ARID2: variants seen among roughly 807,000 people sequenced by gnomAD.
The protein encoded by ARID2 is AT-rich interactive domain-containing protein 2.
A neutral mutation model predicts 184.6 loss-of-function variants in ARID2; 32 were observed. That is an observed-to-expected ratio of 0.17 (90% CI 0.13 to 0.23). The LOEUF is 0.23. Among genes scored for constraint, ARID2 ranks in the 10% least tolerant of loss-of-function variants. The probability of loss-of-function intolerance (pLI) is 1.00; values close to 1 mark genes in which losing one functional copy is unlikely to be tolerated. For missense variants in ARID2, 1,696 were observed against 2,197.6 expected, an observed-to-expected ratio of 0.77 and a Z score of 4.56; for synonymous variants, 836 against 772.6, an observed-to-expected ratio of 1.08 and a Z score of -1.36.
intron 3 of ARID2, among the ~76,000 whole-genome samples, chr12:45,778,540 A>G (rs147860691): frequency 6.6e-6 from 1 of 152,256 alleles, no homozygotes; most frequent in East Asian, 1.9e-4. Context: ...ATAATAAGAA[A>G]AAGACTATAG....
At chr12:45,791,324 A>G (rs537842210) in intron 3 of ARID2, among the ~76,000 whole-genome samples, 3 of 152,306 alleles carry the variant, frequency 2.0e-5, no homozygotes, top group East Asian at 3.9e-4. Context: ...TAATTCATCT[A>G]TTATATGATT....
At chr12:45,742,711 T>G (rs1226402857) in intron 3 of ARID2, among the ~76,000 whole-genome samples, 1 of 152,202 alleles carries the variant, frequency 6.6e-6, no homozygotes, top group Non-Finnish European at 1.5e-5. Flanking sequence ...TTGTTTCCAG[T>G]GTTACTGTAG....
At chr12:45,759,877 G>A (rs1352234818) in intron 3 of ARID2, among the ~76,000 whole-genome samples, 2 of 152,036 alleles carry the variant, frequency 1.3e-5, no homozygotes, top group African/African-American at 4.8e-5. Flanking sequence ...ATAAAAATAA[G>A]GTTGTACATT....
chr12:45,783,842 GT>G (rs1476815331), intron 3 of ARID2, among the ~76,000 whole-genome samples: 1 of 151,562 alleles, frequency 6.6e-6, no homozygotes, highest in East Asian at 1.9e-4. Context: ...CAGGTGTTCT[GT>G]TTTAGCAACA....
intron 3 of ARID2, among the ~76,000 whole-genome samples, chr12:45,761,735 T>G (rs1375843113): frequency 1.3e-5 from 2 of 152,086 alleles, no homozygotes; most frequent in African/African-American, 2.4e-5. Flanking sequence ...CCTTAGCACT[T>G]TAAGCCATTT....
Position 45,851,000 on chromosome 12 carries a change from A to C in ARID2, c.2877A>C (p.Thr959=). The change falls in exon 15 of 21, where the codon ACA becomes ACC. Residue 959 remains threonine, a synonymous_variant. Coordinates refer to ENST00000334344, the MANE Select transcript of ARID2 (RefSeq NM_152641.4). ...CAGCAGCTCTTCCAGCTGGTCAGAC[A>C]GTTCAGCTAACTGGACAACCTAACA... ...ANPAALPAGQ[T]VQLTGQPNIT... is the part of the protein sequence containing the mutation. 1 of 1,614,202 alleles carries C rather than the reference A, an allele frequency of 6.2e-7. No homozygotes were observed. The highest frequency in any genetic ancestry group is 8.5e-7 in the Non-Finnish European group (1 of 1,180,020).
At chr12:45,808,761 A>ATG (rs533034285) in intron 3 of ARID2, among the ~76,000 whole-genome samples, 84 of 141,092 alleles carry the variant, frequency 6.0e-4, no homozygotes, top group East Asian at 4.1e-3. Context: ...GTGTGTGTGT[A>ATG]TGTGTGTGTG....
chr12:45,821,409 T>C lies in ARID2; in HGVS notation c.638-11T>C. 1 of 1,477,122 alleles carries C rather than the reference T, an allele frequency of 6.8e-7. No individual in the cohort carries two copies. The highest frequency in any genetic ancestry group is 9.1e-7 in the Non-Finnish European group (1 of 1,104,508). The allele number at this position is 1,477,122 out of a possible 1,614,324, so 91.5% of individuals were successfully genotyped here. A position where few individuals can be genotyped will look rare whatever the true frequency, so the allele number is the denominator to read the frequency against. ...TTTATTGAATGTACTATTTATTTATTTGTTTTTTAGCTTTAGGATCCTTTT... is the reference window on the plus strand; with the variant it reads ...TTTATTGAATGTACTATTTATTTATCTGTTTTTTAGCTTTAGGATCCTTTT... On this transcript the variant is annotated splice_polypyrimidine_tract_variant and intron_variant, in intron 5 of 20. Transcript: ENST00000334344.
chr12:45,743,004 T>C (rs1017983246), intron 3 of ARID2, among the ~76,000 whole-genome samples: 3 of 152,144 alleles, frequency 2.0e-5, no homozygotes, highest in African/African-American at 7.2e-5. Flanking sequence ...TAAGAAATGG[T>C]ATCTCACTAT....
chr12:45,898,789 T>C (rs1038139409), intron 20 of ARID2, among the ~76,000 whole-genome samples: 1 of 151,992 alleles, frequency 6.6e-6, no homozygotes, highest in African/African-American at 2.4e-5. Context: ...TGGTGGCGCA[T>C]GCCTGTAATC....
intron 3 of ARID2, among the ~76,000 whole-genome samples, chr12:45,806,640 A>G (rs1428334074): frequency 6.6e-6 from 1 of 152,008 alleles, no homozygotes. Flanking sequence ...TTACTCTTTA[A>G]TGCTCTCTCA....
At chr12:45,860,080 A>G (rs1487222524) in intron 15 of ARID2, among the ~76,000 whole-genome samples, 1 of 151,996 alleles carries the variant, frequency 6.6e-6, no homozygotes, top group African/African-American at 2.4e-5. Context: ...TGGGGGCTGG[A>G]TGTGGCAGCT....
chr12:45,873,333 T>G (rs1429937945), intron 16 of ARID2, among the ~76,000 whole-genome samples: 1 of 152,242 alleles, frequency 6.6e-6, no homozygotes, highest in African/African-American at 2.4e-5. Context: ...TAGATCATTC[T>G]CATTTAATGT....
At chr12:45,791,760 C>A (rs964415632) in intron 3 of ARID2, among the ~76,000 whole-genome samples, 1 of 152,100 alleles carries the variant, frequency 6.6e-6, no homozygotes, top group African/African-American at 2.4e-5. Context: ...TGTGCCCGGC[C>A]CAGATTGTAA....
chr12:45,848,499 T>C (rs747286575), intron 12 of ARID2, among the ~76,000 whole-genome samples: 2 of 152,120 alleles, frequency 1.3e-5, no homozygotes, highest in Non-Finnish European at 2.9e-5. Context: ...TATGTTATGA[T>C]TATTACAAGA....
intron 11 of ARID2, among the ~76,000 whole-genome samples, chr12:45,843,226 G>T (rs1253600891): frequency 6.7e-6 from 1 of 149,722 alleles, no homozygotes; most frequent in African/African-American, 2.5e-5. Context: ...TTTTACTTAG[G>T]TATCTTGTGT....
intron 3 of ARID2, among the ~76,000 whole-genome samples, chr12:45,809,392 A>T (rs968571861): frequency 1.3e-5 from 2 of 152,068 alleles, no homozygotes; most frequent in African/African-American, 2.4e-5. Flanking sequence ...ATTTATATAT[A>T]TTTTTCTTTC....
At chr12:45,855,478 T>TGAGA (rs1248065291) in intron 15 of ARID2, among the ~76,000 whole-genome samples, 1 of 152,210 alleles carries the variant, frequency 6.6e-6, no homozygotes, top group Non-Finnish European at 1.5e-5. Context: ...CATTCTTATA[T>TGAGA]ATAGCACTTA....
chr12:45,805,581 A>G (rs140842167), intron 3 of ARID2, among the ~76,000 whole-genome samples: 234 of 152,192 alleles, frequency 1.5e-3, no homozygotes, highest in Middle Eastern at 3.4e-3. Context: ...AGTCATCTGT[A>G]TTGCTACCTA....
Sources: gnomAD v4.1 joint callset for allele counts (sites outside exome capture counted in the v4.1 genomes callset) on GRCh38, gnomAD v4.1.1 for gene constraint, MANE v1.5 for transcripts, NCBI Gene and HGNC (gene_info 2026-07-23, HGNC 2026-07-21) for gene names.